RBFOX1: variants seen among roughly 807,000 people sequenced by gnomAD.
The protein encoded by RBFOX1 is RNA binding protein fox-1 homolog 1.
RBFOX1 carries 8 observed loss-of-function variants against 57.7 expected under a neutral mutation model. That is an observed-to-expected ratio of 0.14 (90% CI 0.08 to 0.25). RBFOX1 has a LOEUF of 0.25. RBFOX1 is among the 10% of genes least tolerant of loss of function. The pLI is 1.00. For missense variants in RBFOX1, 611 were observed against 548.5 expected (o/e 1.11, Z -1.14); for synonymous variants, 326 against 222.4 (o/e 1.47, Z -4.15).
At chr16:6,174,006 A>C (rs2096983488) in intron 1 of RBFOX1, among the ~76,000 whole-genome samples, 1 of 152,124 alleles carries the variant, frequency 6.6e-6, no homozygotes, top group Admixed American at 6.6e-5. Context: ...CTTTGAAAAT[A>C]ACCCAAATTC....
chr16:6,499,970 C>T (rs935565236), intron 2 of RBFOX1, among the ~76,000 whole-genome samples: 5 of 152,126 alleles, frequency 3.3e-5, no homozygotes, highest in African/African-American at 7.2e-5. Flanking sequence ...CCTGCCGCCT[C>T]GTGAAGGGCT....
chr16:6,675,189 C>T (rs58736949), intron 3 of RBFOX1, among the ~76,000 whole-genome samples: 1 of 152,162 alleles, frequency 6.6e-6, no homozygotes, highest in Admixed American at 6.5e-5. Context: ...CAGGCATAAG[C>T]CACTGCGCCC....
At chr16:5,412,972 G>A (rs975452599) in intron 1 of RBFOX1, among the ~76,000 whole-genome samples, 14 of 152,222 alleles carry the variant, frequency 9.2e-5, no homozygotes, top group African/African-American at 2.4e-4. Context: ...GCTGAAGGAC[G>A]CAGGTGGGGT....
intron 3 of RBFOX1, among the ~76,000 whole-genome samples, chr16:6,990,118 C>T (rs972576863): frequency 4.6e-5 from 7 of 152,118 alleles, no homozygotes; most frequent in Non-Finnish European, 1.0e-4. Flanking sequence ...ACATATGTCA[C>T]CAACAACTAG....
At chr16:5,409,662 T>C (rs2066961787) in intron 1 of RBFOX1, among the ~76,000 whole-genome samples, 1 of 152,182 alleles carries the variant, frequency 6.6e-6, no homozygotes, top group African/African-American at 2.4e-5. Context: ...AGGAAGCGTA[T>C]ATTCATTCCA....
At chr16:6,408,089 G>C (rs1013473418) in intron 2 of RBFOX1, among the ~76,000 whole-genome samples, 1 of 152,078 alleles carries the variant, frequency 6.6e-6, no homozygotes, top group African/African-American at 2.4e-5. Flanking sequence ...TAAGAAATGG[G>C]CCTTCACTGG....
chr16:6,839,882 T>G (rs1391210729), intron 3 of RBFOX1, among the ~76,000 whole-genome samples: 1 of 152,210 alleles, frequency 6.6e-6, no homozygotes, highest in Non-Finnish European at 1.5e-5. Flanking sequence ...TCCCCTCCCA[T>G]CCCATTCTCT....
intron 2 of RBFOX1, among the ~76,000 whole-genome samples, chr16:6,450,214 T>C (rs1017056308): frequency 6.6e-6 from 1 of 152,182 alleles, no homozygotes; most frequent in African/African-American, 2.4e-5. Context: ...AAGTATTTTT[T>C]GACTCCTATA....
At chr16:6,068,980 G>C (rs12934833) in intron 1 of RBFOX1, among the ~76,000 whole-genome samples, 75,578 of 151,638 alleles carry the variant, frequency 0.5, 19,005 homozygotes, top group East Asian at 0.66. Flanking sequence ...TTTGTTGCCT[G>C]CTACAAAGTA....
chr16:6,182,468 T>G (rs2097071239), intron 1 of RBFOX1, among the ~76,000 whole-genome samples: 1 of 152,328 alleles, frequency 6.6e-6, no homozygotes, highest in Admixed American at 6.5e-5. Context: ...TAATATGCAT[T>G]TGTTTTTTAT....
At chr16:6,646,015 G>T (rs935378320) in intron 2 of RBFOX1, among the ~76,000 whole-genome samples, 4 of 152,010 alleles carry the variant, frequency 2.6e-5, no homozygotes, top group African/African-American at 7.2e-5. Context: ...AGGGTTTCCC[G>T]GCTACAAAAA....
chr16:7,447,075 G>A (rs1200554214), intron 4 of RBFOX1, among the ~76,000 whole-genome samples: 1 of 151,872 alleles, frequency 6.6e-6, no homozygotes, highest in Non-Finnish European at 1.5e-5. Flanking sequence ...GCCTCCCAAA[G>A]TGCTGGGATT....
intron 4 of RBFOX1, among the ~76,000 whole-genome samples, chr16:7,124,508 TC>T (rs1567351125): frequency 7.8e-3 from 142 of 18,170 alleles, no homozygotes; most frequent in African/African-American, 0.029. Context: ...TCGCTCCCCC[TC>T]CCCTCCCCTC....
intron 3 of RBFOX1, among the ~76,000 whole-genome samples, chr16:7,014,301 C>T (rs1378960117): frequency 6.6e-6 from 1 of 152,076 alleles, no homozygotes; most frequent in East Asian, 1.9e-4. Flanking sequence ...CAATGTTAGC[C>T]TCCTGGGTTC....
At chr16:5,521,813 C>G (rs889802757) in intron 2 of RBFOX1, among the ~76,000 whole-genome samples, 3 of 152,210 alleles carry the variant, frequency 2.0e-5, no homozygotes, top group Non-Finnish European at 4.4e-5. Flanking sequence ...CAACATGTCT[C>G]TCACCCCGGA....
intron 3 of RBFOX1, among the ~76,000 whole-genome samples, chr16:6,783,529 A>T (rs1260073667): frequency 2.6e-5 from 4 of 151,982 alleles, no homozygotes; most frequent in African/African-American, 7.2e-5. Flanking sequence ...AAAAGGAGAA[A>T]ACTAAATTCT....
chr16:7,049,129 C>T (rs1305458352), intron 3 of RBFOX1, among the ~76,000 whole-genome samples: 2 of 152,114 alleles, frequency 1.3e-5, no homozygotes, highest in Admixed American at 6.6e-5. Flanking sequence ...ATTTTCTCTC[C>T]GGGATCCTCA....
At chr16:6,866,282 T>G (rs536391923) in intron 3 of RBFOX1, among the ~76,000 whole-genome samples, 2 of 152,144 alleles carry the variant, frequency 1.3e-5, no homozygotes, top group African/African-American at 4.8e-5. Flanking sequence ...TTTTTGTGGA[T>G]AGGGTGGCTG....
chr16:6,142,115 G>T (rs114294540), intron 1 of RBFOX1, among the ~76,000 whole-genome samples: 10 of 126,308 alleles, frequency 7.9e-5, no homozygotes, highest in African/African-American at 3.1e-4. Context: ...CTTACTTCTC[G>T]ATCCCTGATT....
Sources: allele counts gnomAD v4.1 joint callset (sites outside exome capture counted in the v4.1 genomes callset), GRCh38; gene constraint gnomAD v4.1.1; transcripts MANE v1.5; gene names NCBI Gene and HGNC (gene_info 2026-07-23, HGNC 2026-07-21).